Variants in LHFPL3 observed in about 807,000 individuals in gnomAD.
LHFPL3 encodes the protein LHFPL tetraspan subfamily member 3.
LHFPL3 carries 5 observed loss-of-function variants against 19.3 expected under a neutral mutation model. The observed-to-expected ratio is 0.26, with a 90% CI of 0.14 to 0.54. The LOEUF is 0.54. LHFPL3 is among the 20% of genes least tolerant of loss of function. LHFPL3 has a pLI of 0.94. For synonymous variants in LHFPL3, 133 were observed against 126.2 expected (o/e 1.05, Z -0.36); for missense variants, 249 against 307.4 (o/e 0.81, Z 1.42).
At chr7:104,671,144 G>C (rs1792473024) in intron 1 of LHFPL3, among the ~76,000 whole-genome samples, 1 of 152,050 alleles carries the variant, frequency 6.6e-6, no homozygotes, top group African/African-American at 2.4e-5. Context: ...AATTTACCCA[G>C]TGGACAAAGG....
chr7:104,879,477 TGA>T (rs1223247738), intron 2 of LHFPL3, among the ~76,000 whole-genome samples: 1 of 152,066 alleles, frequency 6.6e-6, no homozygotes, highest in Admixed American at 6.6e-5. Flanking sequence ...CCCAGTGCTT[TGA>T]GAGTCTAAGG....
chr7:104,563,393 T>G (rs1467988910), intron 1 of LHFPL3, among the ~76,000 whole-genome samples: 1 of 152,310 alleles, frequency 6.6e-6, no homozygotes, highest in Non-Finnish European at 1.5e-5. Context: ...GGTGCACCGT[T>G]TTTTAAGCCC....
At chr7:104,529,144 A>G (rs1338446769) in intron 1 of LHFPL3, among the ~76,000 whole-genome samples, 1 of 152,018 alleles carries the variant, frequency 6.6e-6, no homozygotes, top group Non-Finnish European at 1.5e-5. Context: ...TTTGATTCTG[A>G]TGGGATCAAA....
intron 2 of LHFPL3, among the ~76,000 whole-genome samples, chr7:104,872,732 G>A (rs1791860106): frequency 6.6e-6 from 1 of 152,018 alleles, no homozygotes; most frequent in East Asian, 1.9e-4. Context: ...GAAGGTCCTT[G>A]GGGACAATAA....
chr7:104,518,769 G>C (rs1304403971), intron 1 of LHFPL3, among the ~76,000 whole-genome samples: 5 of 151,468 alleles, frequency 3.3e-5, no homozygotes, highest in East Asian at 1.9e-4. Flanking sequence ...GGGCAACAGA[G>C]TGAGACTCCA....
At chr7:104,649,399 C>A (rs186231274) in intron 1 of LHFPL3, among the ~76,000 whole-genome samples, 3 of 152,126 alleles carry the variant, frequency 2.0e-5, no homozygotes, top group African/African-American at 7.2e-5. Context: ...TCTTACCACA[C>A]AATAACAGAG....
rs1323966141 is a variant in LHFPL3 at position 104,906,228 on chromosome 7, T to C, written c.*13T>C. ...TTCTCTAGAATGAGCACAAAACAAA[T>C]CGAATAACAGCTAAACAAATCGAAT... is the stretch of plus-strand genomic sequence containing the variant. On this transcript the variant is annotated 3_prime_UTR_variant, in exon 3 of 3. Coordinates refer to ENST00000424859, the MANE Select transcript of LHFPL3 (RefSeq NM_199000.3). 5 of 1,605,852 alleles carry C rather than the reference T, an allele frequency of 3.1e-6. No individual in the cohort carries two copies. The highest frequency in any genetic ancestry group is 1.1e-5 in the South Asian group (1 of 89,134).
intron 1 of LHFPL3, among the ~76,000 whole-genome samples, chr7:104,482,928 T>A (rs1474073627): frequency 2.0e-5 from 3 of 152,226 alleles, no homozygotes; most frequent in African/African-American, 7.2e-5. Flanking sequence ...TGTAGGACAA[T>A]GTTTATTATC....
chr7:104,628,030 A>G (rs767643554), intron 1 of LHFPL3, among the ~76,000 whole-genome samples: 3 of 152,166 alleles, frequency 2.0e-5, no homozygotes, highest in Non-Finnish European at 2.9e-5. Context: ...TGATAAATGT[A>G]TGGCTCTTTT....
chr7:104,754,756 G>A (rs1794251644), intron 2 of LHFPL3, among the ~76,000 whole-genome samples: 1 of 152,196 alleles, frequency 6.6e-6, no homozygotes, highest in Non-Finnish European at 1.5e-5. Context: ...GAAAGGATAT[G>A]AGAGAACTGA....
intron 1 of LHFPL3, among the ~76,000 whole-genome samples, chr7:104,377,910 T>G (rs150046675): frequency 5.7e-4 from 87 of 152,358 alleles, no homozygotes; most frequent in African/African-American, 2.0e-3. Context: ...CTTCAATTAT[T>G]GTACAAATTC....
At chr7:104,886,479 C>T (rs1414788520) in intron 2 of LHFPL3, among the ~76,000 whole-genome samples, 1 of 152,180 alleles carries the variant, frequency 6.6e-6, no homozygotes, top group Non-Finnish European at 1.5e-5. Context: ...ATTCTCCTGC[C>T]TCAGCCTCCC....
intron 1 of LHFPL3, among the ~76,000 whole-genome samples, chr7:104,386,346 G>A (rs1790942376): frequency 6.6e-6 from 1 of 152,236 alleles, no homozygotes; most frequent in African/African-American, 2.4e-5. Flanking sequence ...TACCTAGGGA[G>A]TTTGTTGAAG....
intron 1 of LHFPL3, among the ~76,000 whole-genome samples, chr7:104,465,969 C>G (rs1180895315): frequency 1.3e-5 from 2 of 152,106 alleles, no homozygotes; most frequent in Non-Finnish European, 2.9e-5. Flanking sequence ...TTTGCATTTG[C>G]TGAGGATTGT....
intron 2 of LHFPL3, among the ~76,000 whole-genome samples, chr7:104,903,024 G>A (rs1028103220): frequency 1.3e-5 from 2 of 152,114 alleles, no homozygotes; most frequent in African/African-American, 2.4e-5. Flanking sequence ...TTCCCAGGGA[G>A]ACATCTGCCC....
chr7:104,590,078 A>AT (rs1056746658), intron 1 of LHFPL3, among the ~76,000 whole-genome samples: 59 of 151,904 alleles, frequency 3.9e-4, no homozygotes, highest in African/African-American at 1.3e-3. Context: ...GGATTCATTG[A>AT]TTTTTTTGAA....
intron 1 of LHFPL3, among the ~76,000 whole-genome samples, chr7:104,395,802 T>G (rs1033060258): frequency 6.6e-6 from 1 of 152,266 alleles, no homozygotes; most frequent in Non-Finnish European, 1.5e-5. Flanking sequence ...ATGCTATTTA[T>G]TCTTTATTTT....
intron 1 of LHFPL3, among the ~76,000 whole-genome samples, chr7:104,507,115 G>C (rs1483993878): frequency 1.3e-5 from 2 of 152,114 alleles, no homozygotes; most frequent in East Asian, 3.9e-4. Flanking sequence ...TGAAAGGGGA[G>C]TTTATAACAC....
intron 1 of LHFPL3, among the ~76,000 whole-genome samples, chr7:104,725,043 TG>T (rs1793565132): frequency 6.6e-6 from 1 of 152,244 alleles, no homozygotes; most frequent in East Asian, 1.9e-4. Context: ...CATAAAGTAC[TG>T]TTGTATATTA....
Sources: allele counts gnomAD v4.1 joint callset (sites outside exome capture counted in the v4.1 genomes callset), GRCh38; gene constraint gnomAD v4.1.1; transcripts MANE v1.5; gene names NCBI Gene and HGNC (gene_info 2026-07-23, HGNC 2026-07-21).